The following GALNT13 variants were observed in gnomAD, a reference collection of about 807,000 sequenced individuals.
The protein encoded by GALNT13 is UDP-GalNAc:polypeptide N-acetylgalactosaminyltransferase 13.
A neutral mutation model predicts 64.2 loss-of-function variants in GALNT13; 28 were observed. The observed-to-expected ratio is 0.44, with a 90% CI of 0.32 to 0.60. The LOEUF (loss-of-function observed/expected upper bound fraction) is 0.60, where lower values mean the gene tolerates loss of function less well. GALNT13 is among the 20% of genes least tolerant of loss of function. GALNT13 has a pLI of 0.05. For missense variants in GALNT13, 577 were observed against 669.8 expected, an observed-to-expected ratio of 0.86 and a Z score of 1.53; for synonymous variants, 214 against 224.6, an observed-to-expected ratio of 0.95 and a Z score of 0.42.
chr2:153,876,202 TACAC>T (rs56256669), intron 1 of GALNT13, among the ~76,000 whole-genome samples: 155 of 148,724 alleles, frequency 1.0e-3, no homozygotes, highest in South Asian at 2.4e-3. Flanking sequence ...CCCCCCACAC[TACAC>T]ACACACACAC....
At chr2:154,416,903 T>G (rs1700031763) in intron 11 of GALNT13, among the ~76,000 whole-genome samples, 1 of 152,200 alleles carries the variant, frequency 6.6e-6, no homozygotes. Context: ...TACCATATCC[T>G]GGGCTTGCAG....
At chr2:153,506,929 C>G in the GALNT13 span, among the ~76,000 whole-genome samples, 1 of 152,294 alleles carries the variant, frequency 6.6e-6, no homozygotes, top group East Asian at 1.9e-4. Context: ...TTCCCTCAAA[C>G]ATGTTTTCCA....
At chr2:153,473,716 C>T in the GALNT13 span, among the ~76,000 whole-genome samples, 2 of 152,122 alleles carry the variant, frequency 1.3e-5, no homozygotes, top group African/African-American at 2.4e-5. Context: ...GTCATTGTAA[C>T]CCCCAAAGTG....
chr2:153,874,962 T>C (rs1258974753), intron 1 of GALNT13, among the ~76,000 whole-genome samples: 1 of 152,142 alleles, frequency 6.6e-6, no homozygotes, highest in Non-Finnish European at 1.5e-5. Flanking sequence ...CATTTTTGGG[T>C]GAATACTTTC....
At chr2:153,720,025 AAGAC>A in the GALNT13 span, among the ~76,000 whole-genome samples, 1 of 150,068 alleles carries the variant, frequency 6.7e-6, no homozygotes, top group Non-Finnish European at 1.5e-5. Context: ...GACAAACAAA[AAGAC>A]AGCAGTAACC....
At chr2:154,419,670 A>T (rs1346783921) in intron 11 of GALNT13, among the ~76,000 whole-genome samples, 1 of 152,156 alleles carries the variant, frequency 6.6e-6, no homozygotes, top group East Asian at 1.9e-4. Flanking sequence ...CCTTGTGTCC[A>T]TAATATTAAA....
At chr2:154,401,182 A>G (rs570902810) in intron 10 of GALNT13, among the ~76,000 whole-genome samples, 1 of 152,238 alleles carries the variant, frequency 6.6e-6, no homozygotes, top group East Asian at 1.9e-4. Context: ...TATGCCTTAA[A>G]TATTGCTGAA....
intron 3 of GALNT13, among the ~76,000 whole-genome samples, chr2:153,968,189 A>G (rs1693502332): frequency 6.6e-6 from 1 of 152,080 alleles, no homozygotes; most frequent in Non-Finnish European, 1.5e-5. Flanking sequence ...TTGCCACTCA[A>G]AGTTATTTGG....
the GALNT13 span, among the ~76,000 whole-genome samples, chr2:153,743,651 A>G: frequency 6.6e-6 from 1 of 152,266 alleles, no homozygotes; most frequent in South Asian, 2.1e-4. Flanking sequence ...CATCTCTTCA[A>G]ATATTGACCC....
chr2:154,029,531 A>C (rs1442350882), intron 3 of GALNT13, among the ~76,000 whole-genome samples: 2 of 152,092 alleles, frequency 1.3e-5, no homozygotes, highest in Non-Finnish European at 2.9e-5. Context: ...ACCTAGCTTA[A>C]CTCCTGAGTA....
chr2:154,348,962 A>G (rs1267885186), intron 9 of GALNT13, among the ~76,000 whole-genome samples: 2 of 152,202 alleles, frequency 1.3e-5, no homozygotes, highest in African/African-American at 4.8e-5. Context: ...AGATTTTTAG[A>G]AATGAACACT....
intron 4 of GALNT13, among the ~76,000 whole-genome samples, chr2:154,154,166 A>C (rs1454683312): frequency 2.0e-5 from 3 of 152,244 alleles, no homozygotes; most frequent in Admixed American, 2.0e-4. Flanking sequence ...TCAATTATTT[A>C]AACCTCAGCA....
chr2:154,150,411 C>T (rs1047634846), intron 4 of GALNT13, among the ~76,000 whole-genome samples: 2 of 152,130 alleles, frequency 1.3e-5, no homozygotes, highest in South Asian at 2.1e-4. Context: ...TGTCTCTGCC[C>T]GGCTTTGGTT....
At chr2:153,157,010 A>C in the GALNT13 span, among the ~76,000 whole-genome samples, 2 of 152,162 alleles carry the variant, frequency 1.3e-5, no homozygotes, top group Non-Finnish European at 2.9e-5. Context: ...CCTCTTAGTG[A>C]ACTCAATAGG....
chr2:154,274,275 G>A (rs1488522311), intron 8 of GALNT13, among the ~76,000 whole-genome samples: 1 of 152,094 alleles, frequency 6.6e-6, no homozygotes, highest in African/African-American at 2.4e-5. Flanking sequence ...GTTCAAAGGA[G>A]GGAACGATTG....
At chr2:153,751,101 A>G in the GALNT13 span, among the ~76,000 whole-genome samples, 1 of 151,810 alleles carries the variant, frequency 6.6e-6, no homozygotes, top group African/African-American at 2.4e-5. Flanking sequence ...TCTAATTTCT[A>G]TGTATTCGTA....
At chr2:153,124,872 C>T in the GALNT13 span, among the ~76,000 whole-genome samples, 4 of 152,142 alleles carry the variant, frequency 2.6e-5, no homozygotes, top group African/African-American at 9.7e-5. Flanking sequence ...ACAAATACGG[C>T]AAGTTTTGCT....
At chr2:154,344,142 A>G (rs911847745) in intron 9 of GALNT13, among the ~76,000 whole-genome samples, 1 of 152,042 alleles carries the variant, frequency 6.6e-6, no homozygotes, top group Non-Finnish European at 1.5e-5. Flanking sequence ...TAGTGTCATT[A>G]ACCTCAGATC....
intron 9 of GALNT13, among the ~76,000 whole-genome samples, chr2:154,385,031 AG>A (rs113182238): frequency 0.31 from 47,540 of 151,740 alleles, 7,625 homozygotes; most frequent in African/African-American, 0.37. Flanking sequence ...ACTACAATAA[AG>A]TTGCTTTCTC....
Sources: gnomAD v4.1 joint callset for allele counts (sites outside exome capture counted in the v4.1 genomes callset) on GRCh38, gnomAD v4.1.1 for gene constraint, MANE v1.5 for transcripts, NCBI Gene and HGNC (gene_info 2026-07-23, HGNC 2026-07-21) for gene names.